Variants in API5 observed in about 807,000 individuals in gnomAD.
API5 encodes the protein FIF.
API5 carries 6 observed loss-of-function variants against 71.9 expected under a neutral mutation model. That is an observed-to-expected ratio of 0.08 (90% confidence interval 0.05 to 0.16). The LOEUF is 0.16. API5 is among the 10% of genes least tolerant of loss of function. The probability of loss-of-function intolerance (pLI) is 1.00; values close to 1 mark genes in which losing one functional copy is unlikely to be tolerated. For missense variants in API5, 332 were observed against 612.8 expected, an observed-to-expected ratio of 0.54 and a Z score of 4.84; for synonymous variants, 189 against 221.3, an observed-to-expected ratio of 0.85 and a Z score of 1.30.
chr11:43,322,122 A>G lies in API5; in HGVS notation c.529A>G (p.Thr177Ala). ...AAAGGAAGTGGAAGAGCTTATACTA[A>G]CTGAATCCAAAAAGGTGAGCTTTGG... ...LTKEVEELIL[T>A]ESKKVLEDVT... The change falls in exon 5 of 14, where the codon ACT becomes GCT. Residue 177 changes from threonine (T) to alanine (A), a missense_variant. Coordinates refer to ENST00000531273, the MANE Select transcript of API5 (RefSeq NM_001142930.2). 2 of 1,601,160 alleles carry G rather than the reference A, an allele frequency of 1.2e-6. 1 individual carries two copies. The highest frequency in any genetic ancestry group is 2.3e-5 in the South Asian group (2 of 88,514).
chr11:43,324,230 C>G (rs550610452), intron 6 of API5, among the ~76,000 whole-genome samples: 2 of 152,292 alleles, frequency 1.3e-5, no homozygotes, highest in East Asian at 3.9e-4. Flanking sequence ...GTTGCCCATA[C>G]TAGTCTTGAA....
intron 13 of API5, among the ~76,000 whole-genome samples, chr11:43,342,225 G>T (rs1320953307): frequency 6.6e-6 from 1 of 152,208 alleles, no homozygotes; most frequent in African/African-American, 2.4e-5. Context: ...CATGAATGTA[G>T]TCGGTACCTT....
intron 13 of API5, among the ~76,000 whole-genome samples, chr11:43,337,876 G>T (rs1855487090): frequency 6.6e-6 from 1 of 152,172 alleles, no homozygotes; most frequent in Admixed American, 6.5e-5. Flanking sequence ...AAAACTCATT[G>T]CCTGCTCAAT....
intron 11 of API5, among the ~76,000 whole-genome samples, chr11:43,334,392 C>A (rs764738735): frequency 1.3e-5 from 2 of 152,098 alleles, no homozygotes; most frequent in Admixed American, 1.3e-4. Flanking sequence ...CAAAATCACT[C>A]CAGTTAGAAA....
intron 13 of API5, among the ~76,000 whole-genome samples, chr11:43,340,386 C>G (rs1855571937): frequency 6.6e-6 from 1 of 152,080 alleles, no homozygotes; most frequent in African/African-American, 2.4e-5. Flanking sequence ...AATACAACTT[C>G]TATCAAAATA....
intron 1 of API5, among the ~76,000 whole-genome samples, chr11:43,315,823 C>A (rs1854650461): frequency 6.6e-6 from 1 of 152,090 alleles, no homozygotes; most frequent in African/African-American, 2.4e-5. Flanking sequence ...GCCCAGGGCT[C>A]CTGACTAGCC....
chr11:43,335,294 C>T lies in API5; in HGVS notation c.1295C>T (p.Pro432Leu), dbSNP rs377039218. 1 of 1,606,090 alleles carries T rather than the reference C, an allele frequency of 6.2e-7. No homozygotes were observed. Among genetic ancestry groups the T allele is most frequent in the African/African-American group, 1.3e-5 (1 of 74,724 alleles). The change falls in exon 12 of 14, where the codon CCT (proline) becomes CTT (leucine). Residue 432 changes from proline to leucine, a missense_variant. Physicochemically the swap from Pro to Leu is moderately conservative, Grantham distance 98. Transcript: ENST00000531273. Reference sequence around the variant, plus strand: ...TCTCTGCAGGATCTCTTCCACATTCCTCCTTCTTATAAGAGCACAGTAACA... The same window carrying T: ...TCTCTGCAGGATCTCTTCCACATTCTTCCTTCTTATAAGAGCACAGTAACA... ...NVLIKDLFHI[P>L]PSYKSTVTLS...
chr11:43,330,488 A>T lies in API5; in HGVS notation c.1222-20A>T. On this transcript the variant is annotated intron_variant, in intron 10 of 13. Transcript: ENST00000531273. ...TAGAAGTTATTGGCAATTTGTCTTAATTTTCCTTTCCCTTTGTAGAACAAG... is the reference window on the plus strand; with the variant it reads ...TAGAAGTTATTGGCAATTTGTCTTATTTTTCCTTTCCCTTTGTAGAACAAG... 16 of 1,554,918 alleles carry T rather than the reference A, an allele frequency of 1.0e-5. No individual in the cohort carries two copies. The highest frequency in any genetic ancestry group is 1.2e-5 in the Non-Finnish European group (14 of 1,127,112).
chr11:43,332,460 AAATTGC>A (rs1565109922), intron 11 of API5, among the ~76,000 whole-genome samples: 3 of 152,282 alleles, frequency 2.0e-5, no homozygotes. Flanking sequence ...AGGTTTGGTT[AAATTGC>A]TAGAGCAGCT....
intron 13 of API5, among the ~76,000 whole-genome samples, chr11:43,337,284 G>A (rs1227176342): frequency 6.6e-6 from 1 of 152,082 alleles, no homozygotes; most frequent in African/African-American, 2.4e-5. Context: ...CTATGATGGT[G>A]CGACTGCACT....
intron 4 of API5, 112 bp from the exon 5 acceptor site, chr11:43,321,873 T>C: frequency 9.3e-7 from 1 of 1,077,934 alleles, no homozygotes; most frequent in East Asian, 2.5e-5. Flanking sequence ...GAGGATGATA[T>C]TTGGGAAGTT....
Position 43,342,883 on chromosome 11 carries a change from T to C in API5, c.*373T>C, listed in dbSNP as rs1855669557. The C allele has an allele frequency of 5.8e-6, 3 of 513,602 alleles. No individual in the cohort carries two copies. The Admixed American group carries it at 1.1e-4, about 19-fold the overall frequency. 31.8% of individuals were successfully genotyped at this position (513,602 alleles called of 1,614,324 possible). ...TCATCAGTTTTGAAAGGTTACTGAT[T>C]TTCCTCTTCCCTCTTAGTTTTTTAC... On this transcript the variant is annotated 3_prime_UTR_variant, in exon 14 of 14. Coordinates refer to ENST00000531273, the MANE Select transcript of API5 (RefSeq NM_001142930.2).
rs1458317498 is a variant in API5, at chr11:43,312,083, T to A, written c.-45T>A. ...AGTTCCGAGGCGGCGGTGGCGCCGG[T>A]CAGGACAAGGATAGCGGAACCGGGC... On this transcript the variant is annotated 5_prime_UTR_variant, in exon 1 of 14. Transcript: ENST00000531273. 1 of 1,606,936 alleles carries A rather than the reference T, an allele frequency of 6.2e-7. No homozygotes were observed. Among genetic ancestry groups the A allele is most frequent in the South Asian group, 1.1e-5 (1 of 90,742 alleles).
At chr11:43,317,988 G>A (rs1176953573) in intron 1 of API5, among the ~76,000 whole-genome samples, 1 of 29,128 alleles carries the variant, frequency 3.4e-5, no homozygotes, top group Non-Finnish European at 7.7e-5. Context: ...CATTACAATT[G>A]TTTTGTTTGT....
chr11:43,336,603 C>T (rs952281104), intron 13 of API5, among the ~76,000 whole-genome samples: 7 of 152,280 alleles, frequency 4.6e-5, no homozygotes, highest in South Asian at 2.1e-4. Context: ...TCCTCTCCCA[C>T]GGCTGTCGAA....
chr11:43,322,206 G>A (rs1199925288), intron 5 of API5, 70 bp downstream of exon 5: 4 of 1,424,912 alleles, frequency 2.8e-6, no homozygotes, highest in South Asian at 1.4e-5. Context: ...GGCAGTATTC[G>A]TCAATGTTAT....
chr11:43,339,696 C>A (rs1855550717), intron 13 of API5, among the ~76,000 whole-genome samples: 1 of 152,106 alleles, frequency 6.6e-6, no homozygotes, highest in African/African-American at 2.4e-5. Flanking sequence ...GCTTATGTAG[C>A]TGATAAAGCA....
intron 1 of API5, among the ~76,000 whole-genome samples, chr11:43,316,826 A>G (rs562961205): frequency 9.9e-5 from 15 of 151,948 alleles, no homozygotes; most frequent in Non-Finnish European, 1.6e-4. Flanking sequence ...GGTTAATTTT[A>G]TATTTTTTGG....
rs1321370544 is a variant in API5 at position 43,343,301 on chromosome 11, A to T, written c.*791A>T. On this transcript the variant is annotated 3_prime_UTR_variant, in exon 14 of 14. Coordinates refer to ENST00000531273, the MANE Select transcript of API5 (RefSeq NM_001142930.2). ...GAACGGGTAGTCTGACACGGTGATT[A>T]TCCTTTTGAGGCTGAATCCGTTATT... 6.6e-6 allele frequency: 1 copy of T among 152,330 alleles called. No individual in the cohort carries two copies. The highest frequency in any genetic ancestry group is 2.4e-5 in the African/African-American group (1 of 41,430). 9.4% of individuals were successfully genotyped at this position (152,330 alleles called of 1,614,324 possible).
Sources: gnomAD v4.1 joint callset for allele counts (sites outside exome capture counted in the v4.1 genomes callset) on GRCh38, gnomAD v4.1.1 for gene constraint, MANE v1.5 for transcripts, NCBI Gene and HGNC (gene_info 2026-07-23, HGNC 2026-07-21) for gene names.